The following ISM2 variants were observed in gnomAD, a reference collection of about 807,000 sequenced individuals.
ISM2 encodes isthmin-2.
Under a neutral mutation model 58.0 loss-of-function variants are expected in ISM2, and 50 were observed. The observed-to-expected ratio is 0.86, with a 90% CI of 0.69 to 1.09. The LOEUF (loss-of-function observed/expected upper bound fraction) is 1.09, where lower values mean the gene tolerates loss of function less well. ISM2 is among the 50% of genes least tolerant of loss of function. ISM2 has a pLI of 0.00. For synonymous variants in ISM2, 303 were observed against 312.4 expected (o/e 0.97, Z 0.32); for missense variants, 723 against 745.0 (o/e 0.97, Z 0.34).
rs1450446193 is a variant in ISM2 at position 77,483,624 on chromosome 14, G to A, written c.627+699C>T. On this transcript the variant is annotated intron_variant, in intron 3 of 6. Coordinates refer to ENST00000342219, the MANE Select transcript of ISM2 (RefSeq NM_199296.3). ...ACATTTCTGCCTTCCAGTTTTTTGC[G>A]TGTGCGTGTGCGTGTGTGCGTGTGT... Among the ~76,000 whole-genome samples, 4 of 150,686 alleles carry A rather than the reference G, an allele frequency of 2.7e-5. No individual in the cohort carries two copies. In the East Asian group the frequency reaches 6.4e-4, roughly 24 times the overall value.
chr14:77,475,899 G>T lies in ISM2; in HGVS notation c.1412C>A (p.Thr471Lys). ...PRERLDIYQPTARFCLRSMLS... is the reference protein window; with the variant it reads ...PRERLDIYQPKARFCLRSMLS... ...CATGGAACGCAGGCAGAAGCGCGCCGTGGGCTGGTAGATGTCCAGGCGCTC... is the reference window on the plus strand; with the variant it reads ...CATGGAACGCAGGCAGAAGCGCGCCTTGGGCTGGTAGATGTCCAGGCGCTC... Residue 471 changes from threonine (T) to lysine (K), a missense_variant, in exon 7 of 7, where the codon ACG becomes AAG. Thr to Lys is a moderately conservative substitution (Grantham distance 78). Coordinates refer to ENST00000342219, the MANE Select transcript of ISM2 (RefSeq NM_199296.3). The surrounding 1 kb of genome is among the most constrained non-coding windows in gnomAD (Gnocchi z 4.1). 1 of 1,603,020 alleles carries T rather than the reference G, an allele frequency of 6.2e-7. No individual in the cohort carries two copies.
Position 77,486,864 on chromosome 14 carries a change from G to C in ISM2, c.142-1945C>G, listed in dbSNP as rs141998928. On this transcript the variant is annotated intron_variant, in intron 1 of 6. Transcript: ENST00000342219. ...ACTAGTATCTAGTAGGCACAGGCCA[G>C]GAATGCTGCCACATAGCCTGCAGTG... 4.3e-3 allele frequency among the ~76,000 whole-genome samples: 645 copies of C among 151,192 alleles called. 5 individuals carry two copies. Among genetic ancestry groups the C allele is most frequent in the African/African-American group, 0.014 (562 of 41,110 alleles).
At chr14:77,490,678 G>A (rs1001158321) in intron 1 of ISM2, among the ~76,000 whole-genome samples, 40 of 152,192 alleles carry the variant, frequency 2.6e-4, no homozygotes, top group Non-Finnish European at 8.8e-5. Context: ...GAATGTGCTG[G>A]ATGAACAAAA....
intron 4 of ISM2, 124 bp downstream of exon 4, chr14:77,482,198 A>T: frequency 1.6e-6 from 1 of 638,022 alleles, no homozygotes; most frequent in Admixed American, 2.8e-5. Context: ...GTGTTTGAAC[A>T]AGGCCTAAGC....
In ISM2 at chr14:77,493,478, T is replaced by C. The variant is rs547486883; in HGVS notation, c.141+5175A>G. 3.3e-5 allele frequency among the ~76,000 whole-genome samples: 5 copies of C among 151,338 alleles called. No homozygotes were observed. In the East Asian group the frequency reaches 1.0e-3, roughly 30 times the overall value. On this transcript the variant is annotated intron_variant, in intron 1 of 6. Coordinates refer to ENST00000342219, the MANE Select transcript of ISM2 (RefSeq NM_199296.3). ...GGCTAATTATTTATTATTATTTTTT[T>C]TGAGAGGGAGTCTTGCTCTGTCACC...
intron 1 of ISM2, among the ~76,000 whole-genome samples, chr14:77,497,675 C>CAG (rs757279189): frequency 1.4e-4 from 21 of 147,834 alleles, no homozygotes; most frequent in Non-Finnish European, 1.5e-4. Context: ...GCCTGGGTGA[C>CAG]AGAGAGAGAT....
chr14:77,482,971 C>A (rs892311420), intron 3 of ISM2: 1 of 283,580 alleles, frequency 3.5e-6, no homozygotes, highest in Non-Finnish European at 6.5e-6. Flanking sequence ...AGGGTTGACA[C>A]TCACTAGCTT....
chr14:77,488,980 G>C (rs956665592), intron 1 of ISM2, among the ~76,000 whole-genome samples: 1 of 152,094 alleles, frequency 6.6e-6, no homozygotes, highest in Non-Finnish European at 1.5e-5. Context: ...ATTCTTTTGG[G>C]GGGTGGTGTC....
At chr14:77,498,105 T>C in intron 1 of ISM2, 1 of 388,472 alleles carries the variant, frequency 2.6e-6, no homozygotes, top group Non-Finnish European at 4.6e-6. Flanking sequence ...CTCATTCCTG[T>C]TTTATACCCC....
At chr14:77,482,096 G>C (rs1453904112) in intron 4 of ISM2, among the ~76,000 whole-genome samples, 3 of 149,950 alleles carry the variant, frequency 2.0e-5, no homozygotes, top group African/African-American at 7.4e-5. Context: ...CTGGGTAACA[G>C]AGCGAGACCC....
At chr14:77,480,842 A>G (rs1037136679) in intron 4 of ISM2, among the ~76,000 whole-genome samples, 3 of 151,658 alleles carry the variant, frequency 2.0e-5, no homozygotes, top group African/African-American at 7.3e-5. Flanking sequence ...ACAAGGCATG[A>G]GCCACCATGC....
rs2079093681 is a variant in ISM2 at position 77,475,798 on chromosome 14, T to A, written c.1513A>T (p.Lys505Ter). 6.2e-7 allele frequency: 1 copy of A among 1,613,248 alleles called. No individual in the cohort carries two copies. The highest frequency in any genetic ancestry group is 8.5e-7 in the Non-Finnish European group (1 of 1,179,864). Residue 505 changes from lysine to a stop codon, truncating the protein, a stop_gained, in exon 7 of 7, where the codon AAG becomes TAG. Transcript: ENST00000342219. LOFTEE classifies it high-confidence loss of function. This position sits in a 1 kb window ranked among gnomAD's most constrained non-coding sequence, Gnocchi z 4.1. ...DEDSRLLTRG[K>*]GAGMPNLIST... The stretch of plus-strand genomic sequence containing the variant: ...ATGAGGTTGGGCATGCCGGCGCCCT[T>A]GCCACGGGTCAGCAGCCGGCTGTCC...
chr14:77,482,999 A>G (rs1030489729), intron 3 of ISM2: 21 of 230,594 alleles, frequency 9.1e-5, no homozygotes, highest in South Asian at 1.7e-4. Flanking sequence ...GCTGGCTTTG[A>G]ATCTCGGCTC....
chr14:77,497,774 GGAAGGAAGGAAGGAAGGAAGGAA>G (rs2079255954), intron 1 of ISM2, among the ~76,000 whole-genome samples: 150 of 64,978 alleles, frequency 2.3e-3, no homozygotes, highest in African/African-American at 9.0e-3. Context: ...AGGGAGGGAA[GGAAGGAAGGAAGGAAGGAAGGAA>G]GGAAGGAAGG....
At chr14:77,476,182 T>C in intron 6 of ISM2, 70 bp from the exon 7 acceptor site, 2 of 1,471,940 alleles carry the variant, frequency 1.4e-6, no homozygotes, top group Non-Finnish European at 1.8e-6. Flanking sequence ...CGGGGACTGA[T>C]TAAGGGCCAG....
chr14:77,494,533 A>G (rs952949544), intron 1 of ISM2, among the ~76,000 whole-genome samples: 5 of 151,996 alleles, frequency 3.3e-5, no homozygotes, highest in South Asian at 4.1e-4. Flanking sequence ...ATAAGCTGGG[A>G]CCACAGGTGC....
At chr14:77,476,138 G>T in intron 6 of ISM2, 26 bp from the exon 7 acceptor site, 1 of 1,503,370 alleles carries the variant, frequency 6.7e-7, no homozygotes, top group South Asian at 1.3e-5. Context: ...AAGTGCAGGA[G>T]GGAAGCCAGT....
chr14:77,484,346 T>C lies in ISM2; in HGVS notation c.604A>G (p.Ser202Gly). 6.2e-7 allele frequency: 1 copy of C among 1,611,698 alleles called. No individual in the cohort carries two copies. The highest frequency in any genetic ancestry group is 8.5e-7 in the Non-Finnish European group (1 of 1,178,716). ...ACCTGGTTATCAGGGTTAGGGGTAC[T>C]CAAGGTTGCGTGGACCAATTCTGGC... ...KLPELVHATL[S>G]TPNPDNQVTI... is the part of the protein sequence containing the mutation. The change falls in exon 3 of 7, where the codon AGT (serine) becomes GGT (glycine). Residue 202 changes from serine (S) to glycine (G), a missense_variant. By Grantham distance (56) the Ser-to-Gly change is moderately conservative. Coordinates refer to ENST00000342219, the MANE Select transcript of ISM2 (RefSeq NM_199296.3).
At chr14:77,497,772 A>G (rs1566760607) in intron 1 of ISM2, among the ~76,000 whole-genome samples, 1 of 74,186 alleles carries the variant, frequency 1.3e-5, no homozygotes, top group African/African-American at 9.0e-5. Flanking sequence ...GGAGGGAGGG[A>G]AGGAAGGAAG....
Sources: gnomAD v4.1 joint callset for allele counts (sites outside exome capture counted in the v4.1 genomes callset) on GRCh38, gnomAD v4.1.1 for gene constraint, Gnocchi (gnomAD v3.1) non-coding constraint, MANE v1.5 for transcripts, NCBI Gene and HGNC (gene_info 2026-07-23, HGNC 2026-07-21) for gene names.